R3HDM1: variants seen among roughly 807,000 people sequenced by gnomAD.
The protein encoded by R3HDM1 is R3H domain containing 1.
In R3HDM1, 46 loss-of-function variants were observed where a neutral mutation model predicts 141.1. That is an observed-to-expected ratio of 0.33 (90% confidence interval 0.26 to 0.42). The LOEUF (loss-of-function observed/expected upper bound fraction) is 0.42. Among genes scored for constraint, R3HDM1 ranks in the 10% least tolerant of loss-of-function variants. R3HDM1 has a pLI of 1.00. For synonymous variants in R3HDM1, 435 were observed against 472.9 expected (o/e 0.92, Z 1.04); for missense variants, 1,184 against 1,368.3 (o/e 0.87, Z 2.12).
At position 135,638,904 on chromosome 2, in the gene R3HDM1, A is replaced by G. The variant is rs1436073810; in HGVS notation, c.1001A>G (p.Lys334Arg). ...QQRRQIFRVNKDASGRSTNSH... is the reference protein window; with the variant it reads ...QQRRQIFRVNRDASGRSTNSH... ...TTATTTCTAAATTACAGAGTTAATAAAGATGCTTCAGGGAGATCTACAAAT... is the reference window on the plus strand; with the variant it reads ...TTATTTCTAAATTACAGAGTTAATAGAGATGCTTCAGGGAGATCTACAAAT... Residue 334 changes from lysine (K) to arginine (R), a missense_variant, in exon 14 of 27, where the codon AAA becomes AGA. Physicochemically the swap from Lys to Arg is conservative, Grantham distance 26. Around this residue, in one of 5 missense-constraint regions of R3HDM1, gnomAD observed 240 missense variants for 312.3 expected, o/e 0.77. Coordinates refer to ENST00000683871, the MANE Select transcript of R3HDM1 (RefSeq NM_001378107.1). 1 of 1,613,706 alleles carries G rather than the reference A, an allele frequency of 6.2e-7. No individual in the cohort carries two copies. Among genetic ancestry groups the G allele is most frequent in the East Asian group, 2.2e-5 (1 of 44,860 alleles).
At chr2:135,609,897 A>G (rs1305817556) in intron 3 of R3HDM1, among the ~76,000 whole-genome samples, 1 of 152,076 alleles carries the variant, frequency 6.6e-6, no homozygotes, top group Non-Finnish European at 1.5e-5. Context: ...TAAAAAAATT[A>G]GCTGGATGTG....
rs1194885258 is a variant in R3HDM1 at position 135,671,173 on chromosome 2, T to C, written c.2153-4159T>C. ...AGTTTGTATTCTTTCTTTGAGTTCT[T>C]CCTAAGCACTTTGAGGCTAACTATA... On this transcript the variant is annotated intron_variant, in intron 19 of 26. Transcript: ENST00000683871. Among the ~76,000 whole-genome samples the C allele has an allele frequency of 9.3e-5, 14 of 151,130 alleles. No individual in the cohort carries two copies. In the Admixed American group the frequency reaches 9.3e-4, roughly 10 times the overall value.
rs370032006 is a variant in R3HDM1, at chr2:135,715,682, G to T, written c.2869G>T (p.Val957Phe). The T allele has an allele frequency of 1.1e-4, 181 of 1,613,026 alleles. No homozygotes were observed. Among genetic ancestry groups the T allele is most frequent in the Non-Finnish European group, 1.5e-4 (180 of 1,179,626 alleles). Residue 957 changes from valine (V) to phenylalanine (F), a missense_variant, in exon 24 of 27, where the codon GTC (valine) becomes TTC (phenylalanine). Physicochemically the swap from Val to Phe is conservative, Grantham distance 50. Around this residue, in one of 5 missense-constraint regions of R3HDM1, gnomAD observed 182 missense variants for 252.6 expected, o/e 0.72. Coordinates refer to ENST00000683871, the MANE Select transcript of R3HDM1 (RefSeq NM_001378107.1). ...CATGCCCCAATTTTCTAGACCTTTT[G>T]TCCCCGGGCAAGGTAAGTGCACATG... is the stretch of plus-strand genomic sequence containing the variant. ...SIMPQFSRPF[V>F]PGQGDSRYPL...
rs1350193295 is a variant in R3HDM1, at chr2:135,639,012, G to A, written c.1109G>A (p.Arg370Gln). 3 of 1,613,996 alleles carry A rather than the reference G, an allele frequency of 1.9e-6. No individual in the cohort carries two copies. The highest frequency in any genetic ancestry group is 1.3e-5 in the African/African-American group (1 of 74,916). Residue 370 changes from arginine to glutamine, a missense_variant, in exon 14 of 27, where the codon CGA becomes CAA. Physicochemically the swap from Arg to Gln is conservative, Grantham distance 43. Transcript: ENST00000683871. ...AGCACAGATTCAGACAGCTCTCTTCGAAACCTGAAACCTGCTGTAACCAAA... is the reference window on the plus strand; with the variant it reads ...AGCACAGATTCAGACAGCTCTCTTCAAAACCTGAAACCTGCTGTAACCAAA... The part of the protein sequence containing the change: ...WSSTDSDSSL[R>Q]NLKPAVTKAS...
At chr2:135,707,453 T>G (rs1292678877) in intron 21 of R3HDM1, among the ~76,000 whole-genome samples, 1 of 152,242 alleles carries the variant, frequency 6.6e-6, no homozygotes, top group African/African-American at 2.4e-5. Flanking sequence ...AAAACTTGAT[T>G]CTTACTCATT....
intron 6 of R3HDM1, 98 bp from the exon 7 acceptor site, chr2:135,622,556 T>A (rs775572958): frequency 3.6e-6 from 5 of 1,375,652 alleles, no homozygotes; most frequent in Non-Finnish European, 4.7e-6. Context: ...ATGTGGGGCA[T>A]CTTGTTTTAT....
intron 23 of R3HDM1, among the ~76,000 whole-genome samples, chr2:135,714,933 G>A (rs974516228): frequency 3.9e-5 from 6 of 152,186 alleles, no homozygotes; most frequent in Non-Finnish European, 8.8e-5. Context: ...TTCGCTGTAT[G>A]TATTCTCTCA....
intron 24 of R3HDM1, among the ~76,000 whole-genome samples, chr2:135,718,327 GATTGT>G (rs1423919433): frequency 6.6e-6 from 1 of 152,090 alleles, no homozygotes. Context: ...TTATTTTATT[GATTGT>G]ATTGTATGTT....
chr2:135,709,740 CTGATTCTCCT>C (rs2075406140), intron 22 of R3HDM1, among the ~76,000 whole-genome samples: 1 of 152,136 alleles, frequency 6.6e-6, no homozygotes, highest in Non-Finnish European at 1.5e-5. Flanking sequence ...CAGTACTATC[CTGATTCTCCT>C]TTCTCAGAAG....
chr2:135,537,637 TTTTATTTTATTTTA>T, intron 1 of R3HDM1, among the ~76,000 whole-genome samples: 1 of 144,984 alleles, frequency 6.9e-6, no homozygotes, highest in South Asian at 2.2e-4. Context: ...TTTTATTTTA[TTTTATTTTATTTTA>T]TTTTATTTTA....
intron 7 of R3HDM1, among the ~76,000 whole-genome samples, chr2:135,625,140 A>G (rs1043090532): frequency 6.6e-6 from 1 of 152,216 alleles, no homozygotes; most frequent in African/African-American, 2.4e-5. Context: ...AAAAGGGAAC[A>G]GTTACACTGA....
In R3HDM1 at chr2:135,680,288, A is replaced by G. The variant is rs1559418551; in HGVS notation, c.2423A>G (p.Tyr808Cys). The G allele has an allele frequency of 1.2e-6, 2 of 1,614,050 alleles. No homozygotes were observed. Among genetic ancestry groups the G allele is most frequent in the Non-Finnish European group, 1.7e-6 (2 of 1,179,956 alleles). ...CCCACAACAGGAATGCCTGTTTACT[A>G]TAGTGTCATTCCACCTGGTCAACAA... ...SMPTTGMPVY[Y>C]SVIPPGQQNN... Residue 808 changes from tyrosine (Y) to cysteine (C), a missense_variant, in exon 21 of 27, where the codon TAT (tyrosine) becomes TGT (cysteine). By Grantham distance (194) the Tyr-to-Cys change is radical (BLOSUM62 -2). Transcript: ENST00000683871.
At chr2:135,598,276 G>A (rs1427389437) in intron 1 of R3HDM1, among the ~76,000 whole-genome samples, 2 of 152,136 alleles carry the variant, frequency 1.3e-5, no homozygotes, top group African/African-American at 4.8e-5. Flanking sequence ...AAACAAAATG[G>A]TTATATAATT....
Position 135,541,224 on chromosome 2 carries a change from A to G in R3HDM1, c.-250+9591A>G, listed in dbSNP as rs151239606. On this transcript the variant is annotated intron_variant, in intron 1 of 26. Transcript: ENST00000683871. ...ATTAGCTTCTTTTTTTTTTGGAGAC[A>G]GAGTCTTGCTCTGTCACCCAGGCTG... Among the ~76,000 whole-genome samples, 451 of 151,976 alleles carry G rather than the reference A, an allele frequency of 3.0e-3. 4 individuals carry two copies. The highest frequency in any genetic ancestry group is 0.01 in the African/African-American group (421 of 41,434).
chr2:135,621,702 T>G (rs528204993), intron 6 of R3HDM1, 94 bp downstream of exon 6: 7 of 1,368,912 alleles, frequency 5.1e-6, no homozygotes, highest in African/African-American at 1.5e-5. Context: ...TATATCTTTA[T>G]GTAAAATGAC....
intron 1 of R3HDM1, among the ~76,000 whole-genome samples, chr2:135,533,118 A>C (rs774521658): frequency 1.2e-4 from 19 of 152,178 alleles, no homozygotes; most frequent in Admixed American, 5.2e-4. Flanking sequence ...AGATACATTC[A>C]GGTCCTGGAG....
intron 9 of R3HDM1, among the ~76,000 whole-genome samples, chr2:135,632,931 C>T (rs555558989): frequency 3.3e-5 from 5 of 152,212 alleles, no homozygotes; most frequent in Admixed American, 1.3e-4. Flanking sequence ...TTCATCTATG[C>T]CTTTTCTGAT....
intron 21 of R3HDM1, among the ~76,000 whole-genome samples, chr2:135,702,561 A>G (rs942060732): frequency 1.3e-5 from 2 of 151,196 alleles, no homozygotes; most frequent in African/African-American, 4.9e-5. Context: ...CAGCAGGAAA[A>G]TGGCGTGAAC....
At position 135,621,621 on chromosome 2, in the gene R3HDM1, T is replaced by C; in HGVS notation, c.418+13T>C. On this transcript the variant is annotated intron_variant, in intron 6 of 26. Coordinates refer to ENST00000683871, the MANE Select transcript of R3HDM1 (RefSeq NM_001378107.1). ...ATGTTATCAAGAGGTTTGCAGTTCT[T>C]TTGTTTTTTTTTAAAAAAAAATTTT... 1.3e-6 allele frequency: 2 copies of C among 1,522,090 alleles called. No homozygotes were observed. Among genetic ancestry groups the C allele is most frequent in the Non-Finnish European group, 1.7e-6 (2 of 1,145,972 alleles). 94.3% of individuals were successfully genotyped at this position (1,522,090 alleles called of 1,614,324 possible). A position where few individuals can be genotyped will look rare whatever the true frequency, so the allele number is the denominator to read the frequency against.
Sources: allele counts gnomAD v4.1 joint callset (sites outside exome capture counted in the v4.1 genomes callset), GRCh38; gene constraint gnomAD v4.1.1; regional missense constraint gnomAD v4.1.1; transcripts MANE v1.5; gene names NCBI Gene and HGNC (gene_info 2026-07-23, HGNC 2026-07-21).